EGFR: variants seen among roughly 807,000 people sequenced by gnomAD.
EGFR encodes epidermal growth factor receptor.
EGFR carries 58 observed loss-of-function variants against 143.0 expected under a neutral mutation model. The observed-to-expected ratio is 0.41, with a 90% CI of 0.33 to 0.50. The LOEUF (loss-of-function observed/expected upper bound fraction) is 0.50, where lower values mean the gene tolerates loss of function less well. Ranked by LOEUF, EGFR falls within the 20% of genes least tolerant of loss-of-function variation. The pLI is 0.39. For synonymous variants in EGFR, 613 were observed against 594.4 expected, an observed-to-expected ratio of 1.03 and a Z score of -0.45; for missense variants, 1,307 against 1,579.0, an observed-to-expected ratio of 0.83 and a Z score of 2.92.
At chr7:55,169,160 C>G (rs1363356787) in intron 15 of EGFR, among the ~76,000 whole-genome samples, 18 of 151,252 alleles carry the variant, frequency 1.2e-4, no homozygotes, top group Non-Finnish European at 2.7e-4. Context: ...GAGTGCAGTG[C>G]CGTGATCTTG....
intron 1 of EGFR, among the ~76,000 whole-genome samples, chr7:55,026,275 A>G (rs2128859116): frequency 6.6e-6 from 1 of 152,326 alleles, no homozygotes; most frequent in South Asian, 2.1e-4. Context: ...AAACAGTTGC[A>G]TATTTCATTA....
chr7:55,091,346 G>T (rs1467247727), intron 1 of EGFR, among the ~76,000 whole-genome samples: 1 of 152,194 alleles, frequency 6.6e-6, no homozygotes, highest in Non-Finnish European at 1.5e-5. Flanking sequence ...CTACCATCTT[G>T]AAAGGTTCTG....
chr7:55,157,185 G>A (rs1785466479), intron 10 of EGFR, among the ~76,000 whole-genome samples: 1 of 152,232 alleles, frequency 6.6e-6, no homozygotes, highest in Admixed American at 6.5e-5. Flanking sequence ...GAGCCTTGTG[G>A]GGCCACGGGC....
intron 1 of EGFR, among the ~76,000 whole-genome samples, chr7:55,067,676 A>G (rs1341621944): frequency 2.6e-5 from 4 of 151,536 alleles, no homozygotes; most frequent in Non-Finnish European, 1.5e-5. Flanking sequence ...ATTTTAAAAT[A>G]TTTAATTGAC....
chr7:55,058,325 C>G (rs572362820), intron 1 of EGFR, among the ~76,000 whole-genome samples: 1 of 151,464 alleles, frequency 6.6e-6, no homozygotes, highest in African/African-American at 2.4e-5. Context: ...ACGCGGGAGG[C>G]GGAGTTTGCA....
chr7:55,022,954 C>G (rs1199859352), intron 1 of EGFR, among the ~76,000 whole-genome samples: 1 of 152,184 alleles, frequency 6.6e-6, no homozygotes, highest in African/African-American at 2.4e-5. Context: ...AGAAAATATT[C>G]TTTGTTTTTT....
Position 55,130,383 on chromosome 7 carries a change from A to C in EGFR, c.89-11903A>C, listed in dbSNP as rs181677242. On this transcript the variant is annotated intron_variant, in intron 1 of 27. Transcript: ENST00000275493. ...AAAATTAAGATTCTTCTATGGCAGA[A>C]ACTTGGCTGGGGCTTCTCCTGAGTT... Among the ~76,000 whole-genome samples, 6 of 152,312 alleles carry C rather than the reference A, an allele frequency of 3.9e-5. No individual in the cohort carries two copies. In the East Asian group the frequency reaches 1.2e-3, roughly 29 times the overall value.
Position 55,166,830 on chromosome 7 carries a change from TGGCAGTGTTGGTGGTGAGGAGGTGGGA to T in EGFR, c.1880+1395_1880+1421del, listed in dbSNP as rs1786035375. 1.6e-5 allele frequency among the ~76,000 whole-genome samples: 2 copies of T among 121,744 alleles called. 1 individual carries two copies. The highest frequency in any genetic ancestry group is 1.4e-3 in the East Asian group (2 of 1,446). 79.9% of individuals were successfully genotyped at this position (121,744 alleles called of 152,430 possible). A position where few individuals can be genotyped will look rare whatever the true frequency, so the allele number is the denominator to read the frequency against. Reference sequence around the variant, plus strand: ...GGTGAGGAGGTGGGAGTCACAATGGTGGCAGTGTTGGTGGTGAGGAGGTGGGAGTCACAATGGTGGTAGTGATGATGG... The same window carrying T: ...GGTGAGGAGGTGGGAGTCACAATGGTGTCACAATGGTGGTAGTGATGATGG... On this transcript the variant is annotated intron_variant, in intron 15 of 27. Transcript: ENST00000275493.
In EGFR at chr7:55,209,939, T is replaced by C. The variant is rs1404029113; in HGVS notation, c.*4322T>C. Reference sequence around the variant, plus strand: ...CAAGAGGAAAGCCCTTTCTCTCTCTTATAAAAAGGCACAACCTCATTGGGG... The same window carrying C: ...CAAGAGGAAAGCCCTTTCTCTCTCTCATAAAAAGGCACAACCTCATTGGGG... On this transcript the variant is annotated 3_prime_UTR_variant, in exon 28 of 28. Transcript: ENST00000275493. 11 of 152,200 alleles carry C rather than the reference T, an allele frequency of 7.2e-5. No individual in the cohort carries two copies. The highest frequency in any genetic ancestry group is 2.7e-4 in the African/African-American group (11 of 41,454). The allele number at this position is 152,200 out of a possible 1,614,324, so 9.4% of individuals were successfully genotyped here. A position where few individuals can be genotyped will look rare whatever the true frequency, so the allele number is the denominator to read the frequency against.
At chr7:55,052,936 T>C (rs1362366339) in intron 1 of EGFR, among the ~76,000 whole-genome samples, 1 of 152,106 alleles carries the variant, frequency 6.6e-6, no homozygotes, top group Non-Finnish European at 1.5e-5. Flanking sequence ...TCTCTCGTGA[T>C]CTCAGAGACA....
At chr7:55,154,340 G>A (rs572797976) in intron 7 of EGFR, among the ~76,000 whole-genome samples, 188 bp downstream of exon 7, 3 of 152,342 alleles carry the variant, frequency 2.0e-5, no homozygotes, top group African/African-American at 4.8e-5. Context: ...ACCGAGGAGC[G>A]GGCAGGTGGT....
At chr7:55,110,767 T>A (rs1233084495) in intron 1 of EGFR, among the ~76,000 whole-genome samples, 2 of 152,208 alleles carry the variant, frequency 1.3e-5, no homozygotes, top group East Asian at 3.8e-4. Context: ...TCCTTTCTCT[T>A]GCCATTCGCT....
chr7:55,192,654 T>C, intron 21 of EGFR, 112 bp from the exon 22 acceptor site: 1 of 960,670 alleles, frequency 1.0e-6, no homozygotes, highest in South Asian at 1.4e-5. Flanking sequence ...GGTCCTGGGG[T>C]GATCTGGCTC....
rs757936561 is a variant in EGFR, at chr7:55,019,307, G to T, written c.30G>T (p.Ala10=). 45 of 1,518,170 alleles carry T rather than the reference G, an allele frequency of 3.0e-5. No homozygotes were observed. The African/African-American group carries it at 5.2e-4, about 17-fold the overall frequency. 94.0% of individuals were successfully genotyped at this position (1,518,170 alleles called of 1,614,324 possible). Residue 10 remains alanine, a synonymous_variant, in exon 1 of 28, where the codon GCG becomes GCT. Coordinates refer to ENST00000275493, the MANE Select transcript of EGFR (RefSeq NM_005228.5). MRPSGTAGA[A]LLALLAALCP... Reference sequence around the variant, plus strand: ...GACCCTCCGGGACGGCCGGGGCAGCGCTCCTGGCGCTGCTGGCTGCGCTCT... The same window carrying T: ...GACCCTCCGGGACGGCCGGGGCAGCTCTCCTGGCGCTGCTGGCTGCGCTCT...
chr7:55,075,614 C>T (rs942488990), intron 1 of EGFR, among the ~76,000 whole-genome samples: 8 of 152,068 alleles, frequency 5.3e-5, no homozygotes, highest in African/African-American at 1.7e-4. Flanking sequence ...TAATGGGCCA[C>T]CCAAAGCTCG....
chr7:55,205,938 G>A lies in EGFR; in HGVS notation c.*321G>A, dbSNP rs1788092443. ...TATATGTGAGGATTTTTATTGATTGGGGATCTTGGAGTTTTTCATTGTCGC... is the reference window on the plus strand; with the variant it reads ...TATATGTGAGGATTTTTATTGATTGAGGATCTTGGAGTTTTTCATTGTCGC... On this transcript the variant is annotated 3_prime_UTR_variant, in exon 28 of 28. Coordinates refer to ENST00000275493, the MANE Select transcript of EGFR (RefSeq NM_005228.5). 7.0e-6 allele frequency: 3 copies of A among 429,200 alleles called. No individual in the cohort carries two copies. The South Asian group carries it at 7.8e-5, about 11-fold the overall frequency. 26.6% of individuals were successfully genotyped at this position (429,200 alleles called of 1,614,324 possible).
chr7:55,056,160 T>C (rs535885810), intron 1 of EGFR, among the ~76,000 whole-genome samples: 1 of 152,320 alleles, frequency 6.6e-6, no homozygotes, highest in Admixed American at 6.5e-5. Flanking sequence ...AGGCCTCTTA[T>C]GATTCTGCAG....
At chr7:55,114,966 C>T (rs181676852) in intron 1 of EGFR, among the ~76,000 whole-genome samples, 253 of 150,320 alleles carry the variant, frequency 1.7e-3, no homozygotes, top group Admixed American at 4.7e-3. Context: ...ACTGCAAGCT[C>T]CGCCTCCCAG....
At chr7:55,120,807 G>C (rs971574611) in intron 1 of EGFR, among the ~76,000 whole-genome samples, 1 of 152,178 alleles carries the variant, frequency 6.6e-6, no homozygotes, top group Non-Finnish European at 1.5e-5. Flanking sequence ...TTCTCCACTG[G>C]TTACAGCACC....
Sources: gnomAD v4.1 joint callset for allele counts (sites outside exome capture counted in the v4.1 genomes callset) on GRCh38, gnomAD v4.1.1 for gene constraint, MANE v1.5 for transcripts, NCBI Gene and HGNC (gene_info 2026-07-23, HGNC 2026-07-21) for gene names.